The following TTC14 variants were observed in gnomAD, a reference collection of about 807,000 sequenced individuals.
TTC14 encodes tetratricopeptide repeat protein 14.
TTC14 carries 63 observed loss-of-function variants against 79.9 expected under a neutral mutation model. The ratio of observed to expected loss-of-function variants is 0.79; its 90% CI spans 0.64 to 0.97. The LOEUF (loss-of-function observed/expected upper bound fraction) is 0.97, where lower values mean the gene tolerates loss of function less well. TTC14 is among the 50% of genes least tolerant of loss of function. TTC14 has a pLI of 0.00. For synonymous variants in TTC14, 335 were observed against 309.6 expected, an observed-to-expected ratio of 1.08 and a Z score of -0.86; for missense variants, 895 against 894.0, an observed-to-expected ratio of 1.00 and a Z score of -0.01.
rs1434361196 is a variant in TTC14, at chr3:180,607,611, T to G, written c.1173-37T>G. On this transcript the variant is annotated intron_variant, in intron 9 of 11. Coordinates refer to ENST00000296015, the MANE Select transcript of TTC14 (RefSeq NM_133462.4). ...TATGCATATTTGGATAGTTTTGTTGTTTTTACAAAAAAGCTAAATCTTTCT... is the reference window on the plus strand; with the variant it reads ...TATGCATATTTGGATAGTTTTGTTGGTTTTACAAAAAAGCTAAATCTTTCT... 1.9e-6 allele frequency: 3 copies of G among 1,583,994 alleles called. No individual in the cohort carries two copies. The South Asian group carries it at 3.5e-5, about 18-fold the overall frequency.
rs1716971702 is a variant in TTC14 at position 180,610,980 on chromosome 3, T to C, written c.*438T>C. ...AAAATCGTCAGCTTTTGAAAGATTA[T>C]ATGTTCGAATGTTTCTTGAACACTT... On this transcript the variant is annotated 3_prime_UTR_variant, in exon 12 of 12. Coordinates refer to ENST00000296015, the MANE Select transcript of TTC14 (RefSeq NM_133462.4). The C allele has an allele frequency of 2.1e-6, 2 of 946,432 alleles. No individual in the cohort carries two copies. The highest frequency in any genetic ancestry group is 1.8e-5 in the African/African-American group (1 of 56,312). 58.6% of individuals were successfully genotyped at this position (946,432 alleles called of 1,614,324 possible). A position where few individuals can be genotyped will look rare whatever the true frequency, so the allele number is the denominator to read the frequency against.
Position 180,610,665 on chromosome 3 carries a change from A to ATGTAAT in TTC14, c.*123_*124insTGTAAT. On this transcript the variant is annotated 3_prime_UTR_variant, in exon 12 of 12. Transcript: ENST00000296015. ...AAATTATTTGTAGAGATTACAGGAA[A>ATGTAAT]CAAATGCTTTTAAGTAAGTTTTTCT... 2 of 1,439,364 alleles carry ATGTAAT rather than the reference A, an allele frequency of 1.4e-6. No homozygotes were observed. The highest frequency in any genetic ancestry group is 3.1e-5 in the South Asian group (2 of 63,668). 89.2% of individuals were successfully genotyped at this position (1,439,364 alleles called of 1,614,324 possible). A position where few individuals can be genotyped will look rare whatever the true frequency, so the allele number is the denominator to read the frequency against.
chr3:180,606,741 G>C (rs1716718300), intron 9 of TTC14, 138 bp downstream of exon 9: 1 of 1,085,236 alleles, frequency 9.2e-7, no homozygotes, highest in Non-Finnish European at 1.3e-6. Context: ...GAAAGTACAA[G>C]AGATTAGGCA....
intron 3 of TTC14, chr3:180,603,996 T>C: frequency 1.8e-6 from 1 of 547,410 alleles, no homozygotes; most frequent in Non-Finnish European, 3.2e-6. Flanking sequence ...TCATATTTGG[T>C]TCCTAAACTA....
intron 10 of TTC14, 70 bp downstream of exon 10, chr3:180,607,835 G>A: frequency 6.3e-7 from 1 of 1,583,808 alleles, no homozygotes; most frequent in African/African-American, 1.4e-5. Context: ...TTTCTCCTGA[G>A]GAAAACTATT....
downstream of TTC14, chr3:180,614,562 C>T (rs1004513826): frequency 6.6e-5 from 13 of 196,074 alleles, no homozygotes; most frequent in Middle Eastern, 2.1e-3. Flanking sequence ...CATAATAGTA[C>T]AGTAAATCTT....
chr3:180,606,452 A>G (rs2108393939), intron 8 of TTC14, 29 bp from the exon 9 acceptor site: 3 of 1,613,286 alleles, frequency 1.9e-6, no homozygotes. Context: ...TGTGAGATAC[A>G]GCCCTCTATC....
intron 10 of TTC14, chr3:180,607,966 G>A (rs7645817): frequency 0.17 from 219,217 of 1,310,516 alleles, 25,777 homozygotes; most frequent in African/African-American, 0.6. Context: ...AAAGATAGCT[G>A]TGAGAAAACT....
rs747864296 is a variant in TTC14 at position 180,602,222 on chromosome 3, C to T, written c.-40C>T. On this transcript the variant is annotated 5_prime_UTR_variant, in exon 1 of 12. Coordinates refer to ENST00000296015, the MANE Select transcript of TTC14 (RefSeq NM_133462.4). Reference sequence around the variant, plus strand: ...CAAGTAGCGGACACGGAACAGGGAACTATCAGCCCGTCGGCCTCCGGGCCC... The same window carrying T: ...CAAGTAGCGGACACGGAACAGGGAATTATCAGCCCGTCGGCCTCCGGGCCC... 1 of 1,608,304 alleles carries T rather than the reference C, an allele frequency of 6.2e-7. No individual in the cohort carries two copies. Among genetic ancestry groups the T allele is most frequent in the Non-Finnish European group, 8.5e-7 (1 of 1,177,302 alleles).
At chr3:180,609,524 C>T (rs1716871674) in intron 11 of TTC14, 106 bp from the exon 12 acceptor site, 5 of 1,358,568 alleles carry the variant, frequency 3.7e-6, no homozygotes, top group Non-Finnish European at 4.7e-6. Flanking sequence ...TTTATCTGAA[C>T]CACAGCTTTT....
intron 3 of TTC14, chr3:180,603,963 A>G: frequency 2.3e-6 from 1 of 443,196 alleles, no homozygotes. Flanking sequence ...TTTTTGATGC[A>G]TGTTGTATAC....
chr3:180,608,464 T>TA (rs1459907139), intron 10 of TTC14: 17 of 1,046,456 alleles, frequency 1.6e-5, no homozygotes, highest in Non-Finnish European at 2.0e-5. Flanking sequence ...CCCCTTTTTT[T>TA]ATGGGATACC....
downstream of TTC14, chr3:180,614,942 C>T: frequency 1.3e-6 from 2 of 1,564,038 alleles, no homozygotes; most frequent in Non-Finnish European, 8.7e-7. Context: ...TCTTTTTGCT[C>T]TTAACATTAC....
At position 180,610,710 on chromosome 3, in the gene TTC14, A is replaced by G; in HGVS notation, c.*168A>G. On this transcript the variant is annotated 3_prime_UTR_variant, in exon 12 of 12. Transcript: ENST00000296015. ...TTTTCTCAAATTTTGTTTCAGTTCT[A>G]GGTCCCTTGTCACAGCTTGGTTTTT... is the stretch of plus-strand genomic sequence containing the variant. 1 of 1,354,722 alleles carries G rather than the reference A, an allele frequency of 7.4e-7. No homozygotes were observed. Among genetic ancestry groups the G allele is most frequent in the Non-Finnish European group, 9.5e-7 (1 of 1,056,738 alleles). The allele number at this position is 1,354,722 out of a possible 1,614,324, so 83.9% of individuals were successfully genotyped here. A position where few individuals can be genotyped will look rare whatever the true frequency, so the allele number is the denominator to read the frequency against.
chr3:180,604,577 T>G lies in TTC14; in HGVS notation c.671T>G (p.Ile224Ser). Residue 224 changes from isoleucine to serine, a missense_variant, in exon 5 of 12, where the codon ATT (isoleucine) becomes AGT (serine). Ile to Ser is a moderately radical substitution (Grantham distance 142). Coordinates refer to ENST00000296015, the MANE Select transcript of TTC14 (RefSeq NM_133462.4). ...CTATCTGGTATTAAATTAGGTGTAA[T>G]TAGCTCTGAAGAGCTTCCTTTATAC... is the stretch of plus-strand genomic sequence containing the variant. ...PHLSGIKLGV[I>S]SSEELPLYYR... is the part of the protein sequence containing the mutation. 6.2e-7 allele frequency: 1 copy of G among 1,610,400 alleles called. No individual in the cohort carries two copies. The highest frequency in any genetic ancestry group is 8.5e-7 in the Non-Finnish European group (1 of 1,178,854).
chr3:180,608,016 A>G (rs1716787083), intron 10 of TTC14: 9 of 1,190,810 alleles, frequency 7.6e-6, no homozygotes, highest in Non-Finnish European at 9.4e-6. Flanking sequence ...AAATGTCCTT[A>G]TAGGGAGCTC....
At chr3:180,609,095 G>C in intron 11 of TTC14, 1 of 881,050 alleles carries the variant, frequency 1.1e-6, no homozygotes, top group Non-Finnish European at 1.4e-6. Context: ...TAGAGCAGTG[G>C]TTCTCAACTA....
intron 10 of TTC14, chr3:180,608,426 T>G: frequency 2.0e-6 from 2 of 1,014,322 alleles, no homozygotes; most frequent in Admixed American, 5.9e-5. Flanking sequence ...TCTTGCACTC[T>G]GGGTCATGGG....
At chr3:180,604,737 C>A in intron 5 of TTC14, 115 bp from the exon 6 acceptor site, 2 of 1,408,102 alleles carry the variant, frequency 1.4e-6, no homozygotes, top group East Asian at 2.3e-5. Flanking sequence ...TATTGCCACA[C>A]CATCTTATGC....
Sources: gnomAD v4.1 joint callset for allele counts on GRCh38, gnomAD v4.1.1 for gene constraint, MANE v1.5 for transcripts, NCBI Gene and HGNC (gene_info 2026-07-23, HGNC 2026-07-21) for gene names.